The following BNC2 variants were observed in gnomAD, a reference collection of about 807,000 sequenced individuals.
BNC2 encodes the protein zinc finger protein basonuclin-2.
In BNC2, 20 loss-of-function variants were observed where a neutral mutation model predicts 76.3. The observed-to-expected ratio is 0.26, with a 90% CI of 0.18 to 0.38. BNC2 has a LOEUF of 0.38. Ranked by LOEUF, BNC2 falls within the 10% of genes least tolerant of loss-of-function variation. The pLI, the probability that BNC2 is intolerant of heterozygous loss-of-function variation, is 1.00. For synonymous variants in BNC2, 582 were observed against 514.8 expected (o/e 1.13, Z -1.77); for missense variants, 1,382 against 1,399.8 (o/e 0.99, Z 0.20).
intron 6 of BNC2, among the ~76,000 whole-genome samples, chr9:16,420,435 G>C (rs949769407): frequency 2.0e-5 from 3 of 151,046 alleles, no homozygotes; most frequent in African/African-American, 7.4e-5. Context: ...AATTCTTTAA[G>C]ACAAAAACGG....
chr9:16,861,857 C>A (rs530017388), intron 1 of BNC2, among the ~76,000 whole-genome samples: 1 of 151,936 alleles, frequency 6.6e-6, no homozygotes, highest in African/African-American at 2.4e-5. Flanking sequence ...GTCATGGTGG[C>A]GGGCGCCTGT....
At chr9:16,788,258 A>C (rs986376880) in intron 1 of BNC2, among the ~76,000 whole-genome samples, 1 of 152,164 alleles carries the variant, frequency 6.6e-6, no homozygotes, top group Admixed American at 6.5e-5. Flanking sequence ...CACTCCATAA[A>C]GAGGTCATTC....
intron 5 of BNC2, among the ~76,000 whole-genome samples, chr9:16,451,567 C>T (rs1054516717): frequency 6.6e-6 from 1 of 152,152 alleles, no homozygotes; most frequent in African/African-American, 2.4e-5. Context: ...GCTCCAGCTA[C>T]AAAGACCTAC....
intron 3 of BNC2, among the ~76,000 whole-genome samples, chr9:16,631,525 A>G (rs1821160080): frequency 6.6e-6 from 1 of 152,214 alleles, no homozygotes; most frequent in African/African-American, 2.4e-5. Context: ...CTCCTATAAC[A>G]AGGGACTTAG....
chr9:16,565,763 G>A (rs570294078), intron 4 of BNC2, among the ~76,000 whole-genome samples: 1 of 151,408 alleles, frequency 6.6e-6, no homozygotes, highest in South Asian at 2.1e-4. Context: ...AGCCAAGATT[G>A]CGCCACTGCA....
intron 1 of BNC2, among the ~76,000 whole-genome samples, chr9:16,842,479 G>A (rs1284895708): frequency 6.6e-6 from 1 of 152,096 alleles, no homozygotes; most frequent in Admixed American, 6.6e-5. Context: ...GCTAAGGGCT[G>A]GGGAGGGAGA....
intron 5 of BNC2, among the ~76,000 whole-genome samples, chr9:16,473,597 G>A (rs567082411): frequency 7.2e-5 from 11 of 152,262 alleles, no homozygotes; most frequent in East Asian, 3.9e-4. Flanking sequence ...TGATGGGACC[G>A]GGCGTGGTGG....
At chr9:16,770,735 C>T (rs1051106583) in intron 1 of BNC2, among the ~76,000 whole-genome samples, 2 of 151,968 alleles carry the variant, frequency 1.3e-5, no homozygotes, top group African/African-American at 4.8e-5. Context: ...CATGGTAGTG[C>T]ACGCCTGTAG....
chr9:16,848,464 T>G (rs117846007), intron 1 of BNC2, among the ~76,000 whole-genome samples: 3,934 of 152,294 alleles, frequency 0.026, 74 homozygotes, highest in Non-Finnish European at 0.043. Context: ...GGAGTTACAG[T>G]ACATGACAAT....
chr9:16,559,211 C>G (rs1057358287), intron 4 of BNC2, among the ~76,000 whole-genome samples: 6 of 152,122 alleles, frequency 3.9e-5, no homozygotes, highest in African/African-American at 1.4e-4. Context: ...CAAACCATGG[C>G]CCAGGATGGC....
chr9:16,614,934 T>C (rs1292419279), intron 3 of BNC2, among the ~76,000 whole-genome samples: 1 of 125,372 alleles, frequency 8.0e-6, no homozygotes, highest in Non-Finnish European at 1.6e-5. Flanking sequence ...CCAGCTTGGA[T>C]GACAGAGTGA....
At chr9:16,764,587 C>G (rs1268504111) in intron 1 of BNC2, among the ~76,000 whole-genome samples, 1 of 152,162 alleles carries the variant, frequency 6.6e-6, no homozygotes, top group Non-Finnish European at 1.5e-5. Flanking sequence ...GGCCCTTTTA[C>G]AAGACTCACC....
chr9:16,732,135 G>C (rs1278436612), intron 2 of BNC2, among the ~76,000 whole-genome samples: 1 of 118,462 alleles, frequency 8.4e-6, no homozygotes, highest in Non-Finnish European at 1.8e-5. Context: ...GGTGGGTTTT[G>C]GGTTTTTCCC....
chr9:16,461,260 G>A (rs1821573330), intron 5 of BNC2, among the ~76,000 whole-genome samples: 1 of 151,986 alleles, frequency 6.6e-6, no homozygotes, highest in African/African-American at 2.4e-5. Context: ...CTCTTTGTTG[G>A]GGCTGTGTGT....
At position 16,436,214 on chromosome 9, in the gene BNC2, G is replaced by A. The variant is rs141360036; in HGVS notation, c.1980C>T (p.Pro660=). 39 of 1,614,074 alleles carry A rather than the reference G, an allele frequency of 2.4e-5. No homozygotes were observed. In the African/African-American group the frequency reaches 3.9e-4, roughly 16 times the overall value. ...ADEFDDEDDD[P]NDGGAVVNDM... ...CATTGACCACAGCTCCACCATCATT[G>A]GGGTCATCATCTTCATCATCAAACT... Residue 660 remains proline (P), a synonymous_variant, in exon 6 of 7, where the codon CCC becomes CCT. Coordinates refer to ENST00000380672, the MANE Select transcript of BNC2 (RefSeq NM_017637.6).
intron 5 of BNC2, among the ~76,000 whole-genome samples, chr9:16,469,292 T>C (rs1821767112): frequency 6.6e-6 from 1 of 152,076 alleles, no homozygotes; most frequent in Non-Finnish European, 1.5e-5. Flanking sequence ...TTCCCACATG[T>C]TGTAGGAAGG....
In BNC2 at chr9:16,583,057, G is replaced by A. The variant is rs1431272013; in HGVS notation, c.359C>T (p.Thr120Ile). ...CTTCCCTGGCTGAAAACATTCACATGTGCAGTTTACCAGTGTGCAACGGAT... is the reference window on the plus strand; with the variant it reads ...CTTCCCTGGCTGAAAACATTCACATATGCAGTTTACCAGTGTGCAACGGAT... ...QAIRCTLVNC[T>I]CECFQPGKIN... Residue 120 changes from threonine (T) to isoleucine (I), a missense_variant, in exon 4 of 7, where the codon ACA becomes ATA. Thr to Ile is a moderately conservative substitution (Grantham distance 89, BLOSUM62 -1). Coordinates refer to ENST00000380672, the MANE Select transcript of BNC2 (RefSeq NM_017637.6). 2 of 1,614,004 alleles carry A rather than the reference G, an allele frequency of 1.2e-6. No homozygotes were observed. The highest frequency in any genetic ancestry group is 1.7e-6 in the Non-Finnish European group (2 of 1,179,960).
Position 16,414,457 on chromosome 9 carries a change from T to C in BNC2, c.*4532A>G, listed in dbSNP as rs1820541474. The stretch of plus-strand genomic sequence containing the variant: ...AGAGGGAAAAGCAAAACCACCTAAT[T>C]TAAATACTTCAAGTTTGGGAGAAGA... On this transcript the variant is annotated 3_prime_UTR_variant, in exon 7 of 7. Coordinates refer to ENST00000380672, the MANE Select transcript of BNC2 (RefSeq NM_017637.6). 6.6e-6 allele frequency: 1 copy of C among 152,184 alleles called. No homozygotes were observed. The highest frequency in any genetic ancestry group is 2.4e-5 in the African/African-American group (1 of 41,442). The allele number at this position is 152,184 out of a possible 1,614,324, so 9.4% of individuals were successfully genotyped here. A position where few individuals can be genotyped will look rare whatever the true frequency, so the allele number is the denominator to read the frequency against.
chr9:16,824,287 C>G (rs556425057), intron 1 of BNC2, among the ~76,000 whole-genome samples: 11 of 152,048 alleles, frequency 7.2e-5, no homozygotes, highest in African/African-American at 2.7e-4. Context: ...TTTTATGATA[C>G]AACACACAAA....
Sources: gnomAD v4.1 joint callset for allele counts (sites outside exome capture counted in the v4.1 genomes callset) on GRCh38, gnomAD v4.1.1 for gene constraint, MANE v1.5 for transcripts, NCBI Gene and HGNC (gene_info 2026-07-23, HGNC 2026-07-21) for gene names.